EXOC1L: variants seen among roughly 807,000 people sequenced by gnomAD.
The protein encoded by EXOC1L is exocyst complex component 1 like, also known as exocyst complex component 1-like.
Under a neutral mutation model 4.9 loss-of-function variants are expected in EXOC1L, and 10 were observed. That is an observed-to-expected ratio of 2.02 (90% CI 1.25 to 3.43). The LOEUF is 3.43. EXOC1L is among the 30% of genes most tolerant of loss of function. EXOC1L has a pLI of 0.00. For synonymous variants in EXOC1L, 41 were observed against 20.8 expected (o/e 1.97, Z -2.63); for missense variants, 114 against 59.4 (o/e 1.92, Z -3.02).
chr4:55,832,183 G>A (rs1253065663), intron 2 of EXOC1L, among the ~76,000 whole-genome samples: 1 of 151,982 alleles, frequency 6.6e-6, no homozygotes, highest in Admixed American at 6.6e-5. Context: ...AACTGCAATT[G>A]TTGGGTTACT....
intron 1 of EXOC1L, 93 bp from the exon 2 acceptor site, chr4:55,831,241 T>G: frequency 2.0e-6 from 1 of 488,208 alleles, no homozygotes; most frequent in South Asian, 3.5e-5. Flanking sequence ...GTCATTTTAT[T>G]AAAAGGGGAT....
intron 1 of EXOC1L, among the ~76,000 whole-genome samples, chr4:55,826,016 C>G (rs953776896): frequency 7.0e-6 from 1 of 142,306 alleles, no homozygotes; most frequent in African/African-American, 2.6e-5. Flanking sequence ...ACCCAGGAGG[C>G]GGAGGTTGCA....
Position 55,837,363 on chromosome 4 carries a change from A to G in EXOC1L, c.*12A>G. Reference sequence around the variant, plus strand: ...CCTTGCCACTCTGAAGCTGTGTACCACATTCCTTCATCAGTGACCTATGAA... The same window carrying G: ...CCTTGCCACTCTGAAGCTGTGTACCGCATTCCTTCATCAGTGACCTATGAA... On this transcript the variant is annotated 3_prime_UTR_variant, in exon 3 of 3. Transcript: ENST00000636125. The G allele has an allele frequency of 2.0e-6, 1 of 493,768 alleles. No homozygotes were observed. Among genetic ancestry groups the G allele is most frequent in the Non-Finnish European group, 3.6e-6 (1 of 275,758 alleles). 30.6% of individuals were successfully genotyped at this position (493,768 alleles called of 1,614,324 possible).
chr4:55,822,098 C>T (rs1719759485), intron 1 of EXOC1L, among the ~76,000 whole-genome samples: 1 of 152,176 alleles, frequency 6.6e-6, no homozygotes, highest in South Asian at 2.1e-4. Context: ...TTATTCCCTA[C>T]AATCTAGCGC....
intron 1 of EXOC1L, among the ~76,000 whole-genome samples, chr4:55,827,994 C>T (rs540007633): frequency 1.3e-5 from 2 of 152,298 alleles, no homozygotes; most frequent in South Asian, 4.2e-4. Context: ...AACTTTGGTA[C>T]ACTGTCAGAG....
At chr4:55,822,644 C>T (rs113384940) in intron 1 of EXOC1L, among the ~76,000 whole-genome samples, 1,971 of 152,292 alleles carry the variant, frequency 0.013, 48 homozygotes, top group Non-Finnish European at 0.015. Context: ...CCTTCACACA[C>T]TTGGAATCAG....
chr4:55,831,481 A>G lies in EXOC1L; in HGVS notation c.252+17A>G, dbSNP rs1175743452. 2.7e-5 allele frequency: 18 copies of G among 671,986 alleles called. No individual in the cohort carries two copies. Among genetic ancestry groups the G allele is most frequent in the Non-Finnish European group, 4.5e-5 (17 of 373,938 alleles). 41.6% of individuals were successfully genotyped at this position (671,986 alleles called of 1,614,324 possible). A position where few individuals can be genotyped will look rare whatever the true frequency, so the allele number is the denominator to read the frequency against. ...GCAGATACTGTAAGTGTTACATTTT[A>G]TAAGGAGATGTGGAATCAATATGCT... On this transcript the variant is annotated intron_variant, in intron 2 of 2. Coordinates refer to ENST00000636125, the MANE Select transcript of EXOC1L (RefSeq NM_001351574.3).
At chr4:55,832,333 T>C (rs1720058050) in intron 2 of EXOC1L, among the ~76,000 whole-genome samples, 1 of 152,102 alleles carries the variant, frequency 6.6e-6, no homozygotes, top group Non-Finnish European at 1.5e-5. Context: ...AGTTCATTTA[T>C]TCTTAATCTT....
chr4:55,827,073 C>T (rs1719902905), intron 1 of EXOC1L, among the ~76,000 whole-genome samples: 1 of 152,192 alleles, frequency 6.6e-6, no homozygotes, highest in South Asian at 2.1e-4. Context: ...TTAAATCCTT[C>T]AGTGACAACT....
chr4:55,821,233 T>C (rs1363139679), intron 1 of EXOC1L, among the ~76,000 whole-genome samples: 2 of 152,144 alleles, frequency 1.3e-5, no homozygotes, highest in African/African-American at 4.8e-5. Context: ...TTAGAAATAT[T>C]TATCTGACAC....
At chr4:55,832,203 C>T (rs116482488) in intron 2 of EXOC1L, among the ~76,000 whole-genome samples, 2,185 of 152,080 alleles carry the variant, frequency 0.014, 50 homozygotes, top group African/African-American at 0.049. Flanking sequence ...TCTGAATTCC[C>T]TCTAGACGGA....
chr4:55,829,927 C>T (rs1319568445), intron 1 of EXOC1L, among the ~76,000 whole-genome samples: 2 of 152,198 alleles, frequency 1.3e-5, no homozygotes, highest in East Asian at 3.8e-4. Flanking sequence ...CTACTGCCCA[C>T]ATGTCTTAAC....
At chr4:55,833,696 A>G (rs1720090795) in intron 2 of EXOC1L, among the ~76,000 whole-genome samples, 2 of 151,900 alleles carry the variant, frequency 1.3e-5, no homozygotes, top group African/African-American at 4.8e-5. Context: ...GCCTAGGATT[A>G]TATTCACCAG....
At chr4:55,825,608 T>C (rs1296896124) in intron 1 of EXOC1L, among the ~76,000 whole-genome samples, 1 of 152,168 alleles carries the variant, frequency 6.6e-6, no homozygotes, top group African/African-American at 2.4e-5. Flanking sequence ...CCTTCTCTCT[T>C]GGTGCTTCTA....
chr4:55,830,316 C>T (rs1237747645), intron 1 of EXOC1L, among the ~76,000 whole-genome samples: 2 of 152,278 alleles, frequency 1.3e-5, no homozygotes, highest in East Asian at 3.9e-4. Context: ...TAACATTACT[C>T]ATCTTGAAGG....
At chr4:55,822,348 A>G (rs1459496080) in intron 1 of EXOC1L, among the ~76,000 whole-genome samples, 6 of 152,140 alleles carry the variant, frequency 3.9e-5, no homozygotes, top group Admixed American at 1.3e-4. Context: ...TAGGATGTAC[A>G]TGGGGGATTT....
chr4:55,835,940 T>C (rs537420224), intron 2 of EXOC1L, among the ~76,000 whole-genome samples: 3 of 151,948 alleles, frequency 2.0e-5, no homozygotes, highest in Admixed American at 6.6e-5. Flanking sequence ...CTCGTTTACA[T>C]GATTATTCGC....
chr4:55,837,082 C>T lies in EXOC1L; in HGVS notation c.253-3C>T, dbSNP rs1485088499. The T allele has an allele frequency of 5.7e-6, 4 of 696,044 alleles. No individual in the cohort carries two copies. In the East Asian group the frequency reaches 1.1e-4, roughly 19 times the overall value. 43.1% of individuals were successfully genotyped at this position (696,044 alleles called of 1,614,324 possible). Reference sequence around the variant, plus strand: ...CTAAATCATGTCTCTCATTCTCTTCCAGGACAATCCATTTTTTGATCTGCA... The same window carrying T: ...CTAAATCATGTCTCTCATTCTCTTCTAGGACAATCCATTTTTTGATCTGCA... On this transcript the variant is annotated splice_region_variant and splice_polypyrimidine_tract_variant and intron_variant, in intron 2 of 2. Transcript: ENST00000636125.
At chr4:55,834,985 A>G (rs1349632849) in intron 2 of EXOC1L, among the ~76,000 whole-genome samples, 1 of 151,520 alleles carries the variant, frequency 6.6e-6, no homozygotes, top group Admixed American at 6.6e-5. Flanking sequence ...TGCTCATCCT[A>G]CCCTTTCCTT....
Sources: allele counts gnomAD v4.1 joint callset (sites outside exome capture counted in the v4.1 genomes callset), GRCh38; gene constraint gnomAD v4.1.1; transcripts MANE v1.5; gene names NCBI Gene and HGNC (gene_info 2026-07-23, HGNC 2026-07-21).